Variants in CHRNA7 observed in about 807,000 individuals in gnomAD.
CHRNA7 encodes the protein neuronal acetylcholine receptor subunit alpha-7.
Under a neutral mutation model 48.0 loss-of-function variants are expected in CHRNA7, and 17 were observed. That is an observed-to-expected ratio of 0.35 (90% CI 0.24 to 0.53). The LOEUF (loss-of-function observed/expected upper bound fraction) is 0.53. CHRNA7 is among the 20% of genes least tolerant of loss of function. The probability of loss-of-function intolerance (pLI) is 0.92; values close to 1 mark genes in which losing one functional copy is unlikely to be tolerated. For missense variants in CHRNA7, 155 were observed against 577.7 expected (o/e 0.27, Z 7.50); for synonymous variants, 75 against 242.3 (o/e 0.31, Z 6.41).
At chr15:32,097,801 G>A (rs926840273) in intron 2 of CHRNA7, among the ~76,000 whole-genome samples, 5 of 152,160 alleles carry the variant, frequency 3.3e-5, no homozygotes, top group South Asian at 2.1e-4. Flanking sequence ...TGTTTGACTC[G>A]GGTGGCCTCC....
At chr15:32,167,239 T>C (rs2052217389) in intron 9 of CHRNA7, 1 of 160,968 alleles carries the variant, frequency 6.2e-6, no homozygotes, top group African/African-American at 2.4e-5. Context: ...TAAGTATTTA[T>C]GCCTTAACAA....
chr15:32,076,836 G>A (rs914208092), intron 2 of CHRNA7, among the ~76,000 whole-genome samples: 4 of 152,062 alleles, frequency 2.6e-5, no homozygotes, highest in African/African-American at 9.7e-5. Flanking sequence ...TGTACATTCT[G>A]TAGGTTAGGG....
chr15:32,077,650 C>T (rs948371756), intron 2 of CHRNA7, among the ~76,000 whole-genome samples: 2 of 151,980 alleles, frequency 1.3e-5, no homozygotes, highest in Non-Finnish European at 2.9e-5. Context: ...AAAGGAATAC[C>T]TGAGGCTGGG....
At chr15:32,105,951 C>G (rs1049935427) in intron 3 of CHRNA7, among the ~76,000 whole-genome samples, 3 of 152,170 alleles carry the variant, frequency 2.0e-5, no homozygotes, top group African/African-American at 7.2e-5. Flanking sequence ...TCCCCGCCCC[C>G]ACCCAGTGTT....
At chr15:32,087,233 T>C (rs899782946) in intron 2 of CHRNA7, among the ~76,000 whole-genome samples, 2 of 152,254 alleles carry the variant, frequency 1.3e-5, no homozygotes. Context: ...TACCTTATTT[T>C]GTTGTTCAAA....
chr15:32,057,826 A>G (rs967328641), intron 2 of CHRNA7, among the ~76,000 whole-genome samples: 3 of 152,212 alleles, frequency 2.0e-5, no homozygotes, highest in African/African-American at 4.8e-5. Context: ...GAATCCTGAT[A>G]CTTGCAGACA....
Position 32,039,042 on chromosome 15 carries a change from G to GGTTATAAAAAA in CHRNA7, c.195+8005_195+8006insGTTATAAAAAA, listed in dbSNP as rs1325443192. Among the ~76,000 whole-genome samples the GGTTATAAAAAA allele has an allele frequency of 2.6e-5, 4 of 152,096 alleles. No homozygotes were observed. In the East Asian group the frequency reaches 5.8e-4, roughly 22 times the overall value. The stretch of plus-strand genomic sequence containing the variant: ...CCATTTTATCTAGGTTATAAAATTT[G>GGTTATAAAAAA]TGAGCATAGAATTGTTCATAGTATT... On this transcript the variant is annotated intron_variant, in intron 2 of 9. Coordinates refer to ENST00000306901, the MANE Select transcript of CHRNA7 (RefSeq NM_000746.6).
At chr15:32,064,679 C>G (rs912374746) in intron 2 of CHRNA7, among the ~76,000 whole-genome samples, 1 of 151,972 alleles carries the variant, frequency 6.6e-6, no homozygotes, top group East Asian at 1.9e-4. Flanking sequence ...GAAAATTTTT[C>G]TAGTATGCTA....
At chr15:32,045,914 T>A (rs536081184) in intron 2 of CHRNA7, among the ~76,000 whole-genome samples, 17 of 149,154 alleles carry the variant, frequency 1.1e-4, no homozygotes, top group African/African-American at 4.2e-4. Flanking sequence ...TGAGAACATG[T>A]GGTGTTTGGT....
intron 2 of CHRNA7, among the ~76,000 whole-genome samples, chr15:32,050,942 C>T (rs1197481906): frequency 4.6e-5 from 7 of 152,172 alleles, no homozygotes; most frequent in Non-Finnish European, 1.0e-4. Context: ...GTATCAGCAG[C>T]GGTGTCTGCA....
intron 4 of CHRNA7, among the ~76,000 whole-genome samples, chr15:32,117,815 C>T (rs1239600668): frequency 6.6e-6 from 1 of 152,064 alleles, no homozygotes; most frequent in Non-Finnish European, 1.5e-5. Flanking sequence ...ATTGTGGTAT[C>T]CCTCAGCCTA....
intron 4 of CHRNA7, among the ~76,000 whole-genome samples, chr15:32,148,948 C>T (rs536570433): frequency 5.1e-4 from 77 of 152,340 alleles, no homozygotes; most frequent in Admixed American, 8.5e-4. Flanking sequence ...CTCCTACCCC[C>T]GCTAAGGACA....
chr15:32,033,910 A>G lies in CHRNA7; in HGVS notation c.195+2873A>G, dbSNP rs527861104. On this transcript the variant is annotated intron_variant, in intron 2 of 9. Transcript: ENST00000306901. ...TGATAGGAAGACACCATATGATGTT[A>G]CATATTTGATTTTTGTGAAAGATCA... 6.6e-4 allele frequency among the ~76,000 whole-genome samples: 100 copies of G among 152,342 alleles called. No homozygotes were observed. The South Asian group carries it at 0.02, about 30-fold the overall frequency.
intron 2 of CHRNA7, among the ~76,000 whole-genome samples, chr15:32,096,656 T>C (rs1378404396): frequency 6.6e-6 from 1 of 152,204 alleles, no homozygotes; most frequent in East Asian, 1.9e-4. Flanking sequence ...AAAGAAATAA[T>C]GTGATGGGAG....
chr15:32,136,901 G>T (rs2651420), intron 4 of CHRNA7, among the ~76,000 whole-genome samples: 121,534 of 147,996 alleles, frequency 0.82, 50,266 homozygotes, highest in Non-Finnish European at 0.87. Flanking sequence ...GCGTGGTGGC[G>T]GGCGCCTGTA....
chr15:32,090,428 G>T (rs914793733), intron 2 of CHRNA7, among the ~76,000 whole-genome samples: 2 of 152,138 alleles, frequency 1.3e-5, no homozygotes, highest in African/African-American at 2.4e-5. Flanking sequence ...TGGCTGTCTG[G>T]GGGCTTCTCA....
At chr15:32,068,824 T>C (rs2050008147) in intron 2 of CHRNA7, among the ~76,000 whole-genome samples, 4 of 151,872 alleles carry the variant, frequency 2.6e-5, no homozygotes, top group Admixed American at 2.6e-4. Flanking sequence ...TATAAATACA[T>C]ATGACGTATC....
intron 2 of CHRNA7, among the ~76,000 whole-genome samples, chr15:32,032,132 A>G (rs1901872126): frequency 2.0e-5 from 3 of 152,232 alleles, no homozygotes; most frequent in Non-Finnish European, 4.4e-5. Context: ...GCCATCATAC[A>G]TTGCCTCCTT....
chr15:32,075,384 T>C (rs1414418212), intron 2 of CHRNA7, among the ~76,000 whole-genome samples: 1 of 152,208 alleles, frequency 6.6e-6, no homozygotes, highest in Non-Finnish European at 1.5e-5. Context: ...TTTAATGTTA[T>C]AGGACTTTTA....
Sources: allele counts gnomAD v4.1 joint callset (sites outside exome capture counted in the v4.1 genomes callset), GRCh38; gene constraint gnomAD v4.1.1; transcripts MANE v1.5; gene names NCBI Gene and HGNC (gene_info 2026-07-23, HGNC 2026-07-21).